SGCD: variants seen among roughly 807,000 people sequenced by gnomAD.
SGCD encodes the protein sarcoglycan delta.
Under a neutral mutation model 36.6 loss-of-function variants are expected in SGCD, and 18 were observed. That is an observed-to-expected ratio of 0.49 (90% CI 0.34 to 0.73). The LOEUF (loss-of-function observed/expected upper bound fraction) is 0.73. Among genes scored for constraint, SGCD ranks in the 30% least tolerant of loss-of-function variants. The pLI is 0.01. For synonymous variants in SGCD, 133 were observed against 130.6 expected, an observed-to-expected ratio of 1.02 and a Z score of -0.12; for missense variants, 387 against 346.7, an observed-to-expected ratio of 1.12 and a Z score of -0.92.
intron 3 of SGCD, among the ~76,000 whole-genome samples, chr5:156,411,150 T>A: frequency 6.6e-6 from 1 of 152,200 alleles, no homozygotes; most frequent in Non-Finnish European, 1.5e-5. Flanking sequence ...CTCAGTAAAC[T>A]CTTATTGGTG....
intron 1 of SGCD, among the ~76,000 whole-genome samples, chr5:155,896,312 C>T (rs1451833410): frequency 1.3e-5 from 2 of 151,968 alleles, no homozygotes; most frequent in Non-Finnish European, 2.9e-5. Flanking sequence ...ATGAAACTCC[C>T]TTTTAAAACG....
Position 156,032,706 on chromosome 5 carries a change from C to CAAAAAAAAAAAAAAAA in SGCD, c.-281-85157_-281-85142dup, listed in dbSNP as rs1171072619. ...TGGGCGACAGAGCAAGACTCCGTCT[C>CAAAAAAAAAAAAAAAA]AAAAAAAAAAAAAAAAAAAAAAAAA... On this transcript the variant is annotated intron_variant, in intron 1 of 9. Transcript: ENST00000517913. Among the ~76,000 whole-genome samples, 24 of 15,068 alleles carry CAAAAAAAAAAAAAAAA rather than the reference C, an allele frequency of 1.6e-3. 4 individuals carry two copies. The highest frequency in any genetic ancestry group is 3.4e-3 in the African/African-American group (23 of 6,708). 9.9% of individuals were successfully genotyped at this position (15,068 alleles called of 152,430 possible).
chr5:155,796,303 G>GA, the SGCD span, among the ~76,000 whole-genome samples: 3 of 151,998 alleles, frequency 2.0e-5, no homozygotes, highest in Non-Finnish European at 1.5e-5. Flanking sequence ...AAGATAGGTA[G>GA]AAAAAACCAC....
Position 156,719,555 on chromosome 5 carries a change from C to T in SGCD, c.576-38026C>T, listed in dbSNP as rs1158055325. Among the ~76,000 whole-genome samples the T allele has an allele frequency of 2.0e-5, 3 of 152,086 alleles. No homozygotes were observed. In the East Asian group the frequency reaches 5.8e-4, roughly 29 times the overall value. ...TAATATGCCTAACTGCTGTATCTAG[C>T]ACATTAATAATTATTTTTCGAGTGG... On this transcript the variant is annotated intron_variant, in intron 7 of 8. Transcript: ENST00000337851.
At chr5:155,790,294 T>C in the SGCD span, among the ~76,000 whole-genome samples, 1 of 152,092 alleles carries the variant, frequency 6.6e-6, no homozygotes, top group African/African-American at 2.4e-5. Flanking sequence ...TTGTTAAGAA[T>C]ATACCCTAGA....
intron 1 of SGCD, among the ~76,000 whole-genome samples, chr5:155,879,951 A>G (rs1258264527): frequency 6.6e-6 from 1 of 152,088 alleles, no homozygotes; most frequent in African/African-American, 2.4e-5. Flanking sequence ...TTTTATTGTT[A>G]TTTTTTGTTT....
At chr5:156,181,192 G>A (rs556534458) in intron 3 of SGCD, among the ~76,000 whole-genome samples, 82 of 152,180 alleles carry the variant, frequency 5.4e-4, no homozygotes, top group African/African-American at 1.9e-3. Flanking sequence ...CCATATTTTG[G>A]AGAATTGTTT....
At chr5:156,446,175 C>T (rs1415348289) in intron 3 of SGCD, among the ~76,000 whole-genome samples, 1 of 152,102 alleles carries the variant, frequency 6.6e-6, no homozygotes, top group African/African-American at 2.4e-5. Context: ...AGAGGTTTCC[C>T]TTGAAGCAAA....
At chr5:156,677,073 G>A (rs1265133116) in intron 7 of SGCD, among the ~76,000 whole-genome samples, 1 of 152,176 alleles carries the variant, frequency 6.6e-6, no homozygotes, top group African/African-American at 2.4e-5. Context: ...AGAAGGCTCT[G>A]TAATCATCTC....
intron 6 of SGCD, among the ~76,000 whole-genome samples, chr5:156,608,376 A>C (rs1761592045): frequency 6.6e-6 from 1 of 152,156 alleles, no homozygotes; most frequent in African/African-American, 2.4e-5. Context: ...CTTAATCCTG[A>C]GTTCTAGTTT....
intron 3 of SGCD, among the ~76,000 whole-genome samples, chr5:156,463,891 G>A (rs1754607138): frequency 6.6e-6 from 1 of 152,096 alleles, no homozygotes; most frequent in Non-Finnish European, 1.5e-5. Context: ...AGGAGGTTGA[G>A]GCTATAGTGA....
At chr5:156,514,956 T>C (rs113109085) in intron 4 of SGCD, among the ~76,000 whole-genome samples, 68 of 152,352 alleles carry the variant, frequency 4.5e-4, no homozygotes, top group Middle Eastern at 6.8e-3. Context: ...CTGACAATGA[T>C]GATAATGATG....
At chr5:156,182,892 C>T (rs76473087) in intron 3 of SGCD, among the ~76,000 whole-genome samples, 5,455 of 152,274 alleles carry the variant, frequency 0.036, 352 homozygotes, top group African/African-American at 0.12. Flanking sequence ...TTTTCTCTCT[C>T]GGCCATCACT....
intron 4 of SGCD, among the ~76,000 whole-genome samples, chr5:156,536,431 A>G (rs1473292647): frequency 1.3e-5 from 2 of 152,218 alleles, no homozygotes; most frequent in Admixed American, 6.6e-5. Flanking sequence ...AATTCCTGTT[A>G]TAGGACTTAG....
intron 3 of SGCD, among the ~76,000 whole-genome samples, chr5:156,216,433 A>G (rs1764576152): frequency 6.6e-6 from 1 of 152,278 alleles, no homozygotes; most frequent in South Asian, 2.1e-4. Flanking sequence ...CAATAAATAC[A>G]TGCAATTTTT....
rs527578578 is a variant in SGCD, at chr5:156,155,170, C to A, written c.-44+31151C>A. On this transcript the variant is annotated intron_variant, in intron 3 of 9. Transcript: ENST00000517913. Reference sequence around the variant, plus strand: ...CCACTTTTGTTAGAAATGTAGCCACCAAAGTATTTCTCTATGAAAAATTAT... The same window carrying A: ...CCACTTTTGTTAGAAATGTAGCCACAAAAGTATTTCTCTATGAAAAATTAT... 2.2e-4 allele frequency among the ~76,000 whole-genome samples: 34 copies of A among 151,638 alleles called. 1 individual carries two copies. Among genetic ancestry groups the A allele is most frequent in the African/African-American group, 8.3e-4 (34 of 40,964 alleles).
the SGCD span, among the ~76,000 whole-genome samples, chr5:155,788,694 A>G: frequency 6.6e-6 from 1 of 152,114 alleles, no homozygotes; most frequent in Non-Finnish European, 1.5e-5. Context: ...TATGCCAAGT[A>G]TTATGGTGTG....
chr5:156,417,155 G>A (rs1383971197), intron 3 of SGCD, among the ~76,000 whole-genome samples: 1 of 152,166 alleles, frequency 6.6e-6, no homozygotes, highest in Non-Finnish European at 1.5e-5. Flanking sequence ...CATTGATAAT[G>A]TGATGATGCT....
At chr5:155,887,265 C>T (rs530244966) in intron 1 of SGCD, among the ~76,000 whole-genome samples, 3 of 152,270 alleles carry the variant, frequency 2.0e-5, no homozygotes, top group South Asian at 2.1e-4. Flanking sequence ...TCTGATCAGT[C>T]TTCTATTAGA....
Sources: allele counts gnomAD v4.1 joint callset (sites outside exome capture counted in the v4.1 genomes callset), GRCh38; gene constraint gnomAD v4.1.1; transcripts MANE v1.5; gene names NCBI Gene and HGNC (gene_info 2026-07-23, HGNC 2026-07-21).